JAZF1: variants seen among roughly 807,000 people sequenced by gnomAD.
The protein encoded by JAZF1 is juxtaposed with another zinc finger protein 1.
Under a neutral mutation model 26.4 loss-of-function variants are expected in JAZF1, and 8 were observed. The observed-to-expected ratio is 0.30, with a 90% confidence interval of 0.18 to 0.55. The LOEUF is 0.55. JAZF1 is among the 20% of genes least tolerant of loss of function. The pLI, the probability that JAZF1 is intolerant of heterozygous loss-of-function variation, is 0.94. For missense variants in JAZF1, 199 were observed against 322.0 expected, an observed-to-expected ratio of 0.62 and a Z score of 2.92; for synonymous variants, 126 against 122.3, an observed-to-expected ratio of 1.03 and a Z score of -0.20.
intron 1 of JAZF1, among the ~76,000 whole-genome samples, chr7:28,095,487 C>T (rs1335312843): frequency 6.6e-6 from 1 of 152,136 alleles, no homozygotes; most frequent in East Asian, 1.9e-4. Context: ...ATGAGAACAG[C>T]ATGGGGGAAA....
At chr7:27,986,650 TCTC>T (rs1785717511) in intron 2 of JAZF1, among the ~76,000 whole-genome samples, 2 of 52,468 alleles carry the variant, frequency 3.8e-5, no homozygotes, top group Admixed American at 2.0e-4. Flanking sequence ...CCCCTCCCCC[TCTC>T]CCTCCCTCTC....
At chr7:28,009,673 C>T (rs929536119) in intron 1 of JAZF1, among the ~76,000 whole-genome samples, 12 of 152,046 alleles carry the variant, frequency 7.9e-5, no homozygotes, top group African/African-American at 4.8e-5. Context: ...TTAGTAGAGA[C>T]GGGGTTTCAC....
chr7:28,054,845 C>T (rs958861870), intron 1 of JAZF1, among the ~76,000 whole-genome samples: 1 of 151,980 alleles, frequency 6.6e-6, no homozygotes, highest in African/African-American at 2.4e-5. Flanking sequence ...GCTGAAAAGA[C>T]GGCTGGCGCT....
intron 3 of JAZF1, among the ~76,000 whole-genome samples, chr7:27,860,825 A>G (rs1299016144): frequency 6.6e-6 from 1 of 151,762 alleles, no homozygotes; most frequent in African/African-American, 2.4e-5. Context: ...TTAAGCCCCC[A>G]GGTATTCTGG....
chr7:28,137,662 C>T (rs920924911), intron 1 of JAZF1, among the ~76,000 whole-genome samples: 7 of 152,132 alleles, frequency 4.6e-5, no homozygotes, highest in African/African-American at 1.7e-4. Flanking sequence ...CTGAATGATG[C>T]CTCCCCCTCT....
At chr7:28,115,397 C>A (rs1015618909) in intron 1 of JAZF1, among the ~76,000 whole-genome samples, 2 of 152,090 alleles carry the variant, frequency 1.3e-5, no homozygotes, top group Non-Finnish European at 2.9e-5. Flanking sequence ...CACAGTGCAG[C>A]ACATCTCAAT....
At chr7:27,897,994 C>T (rs1485050849) in intron 2 of JAZF1, among the ~76,000 whole-genome samples, 2 of 152,158 alleles carry the variant, frequency 1.3e-5, no homozygotes, top group East Asian at 3.9e-4. Flanking sequence ...AGGTAATTGG[C>T]CTGTCATGTA....
At chr7:28,109,878 C>T (rs1255623242) in intron 1 of JAZF1, among the ~76,000 whole-genome samples, 1 of 152,106 alleles carries the variant, frequency 6.6e-6, no homozygotes, top group Non-Finnish European at 1.5e-5. Flanking sequence ...AAGAGATGGG[C>T]ATATGAAGAC....
At chr7:28,049,408 T>A (rs1783555713) in intron 1 of JAZF1, among the ~76,000 whole-genome samples, 12 of 152,208 alleles carry the variant, frequency 7.9e-5, no homozygotes, top group Admixed American at 5.9e-4. Context: ...TCTATTCTAC[T>A]ACTTCCAGTA....
At chr7:27,912,700 A>G (rs749477066) in intron 2 of JAZF1, among the ~76,000 whole-genome samples, 4 of 152,170 alleles carry the variant, frequency 2.6e-5, no homozygotes, top group Non-Finnish European at 4.4e-5. Context: ...TCCCCCCTAT[A>G]TAATTTACAA....
At chr7:28,027,108 G>T (rs996296303) in intron 1 of JAZF1, among the ~76,000 whole-genome samples, 2 of 152,212 alleles carry the variant, frequency 1.3e-5, no homozygotes, top group African/African-American at 4.8e-5. Flanking sequence ...TTGTCAGGAG[G>T]GGTGAGGCCC....
At chr7:28,130,855 A>C (rs906340030) in intron 1 of JAZF1, among the ~76,000 whole-genome samples, 1 of 152,182 alleles carries the variant, frequency 6.6e-6, no homozygotes, top group Non-Finnish European at 1.5e-5. Context: ...TAGAATACCA[A>C]ATGTATGTGT....
At chr7:27,982,613 G>C (rs972829745) in intron 2 of JAZF1, among the ~76,000 whole-genome samples, 2 of 152,114 alleles carry the variant, frequency 1.3e-5, no homozygotes, top group Admixed American at 1.3e-4. Flanking sequence ...TGGTTCTCCC[G>C]GCACGGAGTT....
At chr7:27,991,342 A>T (rs1019867215) in intron 2 of JAZF1, among the ~76,000 whole-genome samples, 5 of 152,156 alleles carry the variant, frequency 3.3e-5, no homozygotes, top group African/African-American at 9.7e-5. Context: ...AGTTGGCTGA[A>T]ACACTAAGTC....
At chr7:28,004,231 AGGTGTT>A in intron 1 of JAZF1, among the ~76,000 whole-genome samples, 1 of 152,172 alleles carries the variant, frequency 6.6e-6, no homozygotes, top group African/African-American at 2.4e-5. Flanking sequence ...CAGTTGGAGT[AGGTGTT>A]CCCAAGCTAA....
At chr7:28,030,171 T>C (rs2128374755) in intron 1 of JAZF1, among the ~76,000 whole-genome samples, 2 of 152,266 alleles carry the variant, frequency 1.3e-5, no homozygotes, top group Middle Eastern at 3.4e-3. Flanking sequence ...TTCTAAAGAA[T>C]TGAAAAGGAG....
intron 2 of JAZF1, among the ~76,000 whole-genome samples, chr7:27,986,394 T>C (rs926015922): frequency 1.1e-4 from 17 of 152,132 alleles, no homozygotes; most frequent in Admixed American, 6.5e-5. Context: ...TACCTAGGAA[T>C]ACAACTTACA....
Position 27,985,269 on chromosome 7 carries a change from A to T in JAZF1, c.188+6640T>A, listed in dbSNP as rs555213729. ...GATGCAATAAAAAATGATAAAGGGA[A>T]TATCACCACCAATCCCACAGAAATA... On this transcript the variant is annotated intron_variant, in intron 2 of 4. Transcript: ENST00000283928. 9.0e-4 allele frequency among the ~76,000 whole-genome samples: 137 copies of T among 152,354 alleles called. 1 individual carries two copies. Among genetic ancestry groups the T allele is most frequent in the African/African-American group, 3.1e-3 (129 of 41,580 alleles).
chr7:28,088,108 G>T (rs567172491), intron 1 of JAZF1, among the ~76,000 whole-genome samples: 207 of 152,256 alleles, frequency 1.4e-3, no homozygotes, highest in African/African-American at 4.9e-3. Flanking sequence ...AAACCAGGGG[G>T]TCTGAAAACA....
Sources: allele counts gnomAD v4.1 joint callset (sites outside exome capture counted in the v4.1 genomes callset), GRCh38; gene constraint gnomAD v4.1.1; transcripts MANE v1.5; gene names NCBI Gene and HGNC (gene_info 2026-07-23, HGNC 2026-07-21).